The following RNF43 variants were observed in gnomAD, a reference collection of about 807,000 sequenced individuals.
The protein encoded by RNF43 is ring finger protein 43.
In RNF43, 37 loss-of-function variants were observed where a neutral mutation model predicts 78.4. The observed-to-expected ratio is 0.47, with a 90% CI of 0.36 to 0.62. RNF43 has a LOEUF of 0.62. RNF43 is among the 20% of genes least tolerant of loss of function. The pLI is 0.00. For missense variants in RNF43, 774 were observed against 1,007.9 expected, an observed-to-expected ratio of 0.77 and a Z score of 3.14; for synonymous variants, 347 against 395.0, an observed-to-expected ratio of 0.88 and a Z score of 1.44.
chr17:58,410,120 C>A (rs1018988945), intron 2 of RNF43, among the ~76,000 whole-genome samples: 3 of 149,566 alleles, frequency 2.0e-5, no homozygotes, highest in Non-Finnish European at 4.4e-5. Flanking sequence ...CAGATATGTA[C>A]GAAGCTGAAC....
In RNF43 at chr17:58,357,482, A is replaced by G. The variant is rs748813654; in HGVS notation, c.2294T>C (p.Leu765Pro). ...RPCPYPHCQV[L>P]SAQPGSEEEL... is the part of the protein sequence containing the mutation. Reference sequence around the variant, plus strand: ...TGAAAACTCACCAGGCTGGGCCGACAGCACCTGGCAGTGCGGATAAGGGCA... The same window carrying G: ...TGAAAACTCACCAGGCTGGGCCGACGGCACCTGGCAGTGCGGATAAGGGCA... Residue 765 changes from leucine (L) to proline (P), a missense_variant, in exon 9 of 10, where the codon CTG becomes CCG. Leu to Pro is a moderately conservative substitution (Grantham distance 98, BLOSUM62 -3). Coordinates refer to ENST00000407977, the MANE Select transcript of RNF43 (RefSeq NM_017763.6). The surrounding 1 kb of genome is among the most constrained non-coding windows in gnomAD (Gnocchi z 4.5). 30 of 1,614,106 alleles carry G rather than the reference A, an allele frequency of 1.9e-5. No homozygotes were observed. The highest frequency in any genetic ancestry group is 2.5e-5 in the Non-Finnish European group (29 of 1,180,044).
chr17:58,360,666 C>T lies in RNF43; in HGVS notation c.849+117G>A. 1.8e-6 allele frequency: 2 copies of T among 1,119,354 alleles called. No individual in the cohort carries two copies. The highest frequency in any genetic ancestry group is 1.6e-5 in the South Asian group (1 of 61,810). The allele number at this position is 1,119,354 out of a possible 1,614,324, so 69.3% of individuals were successfully genotyped here. Reference sequence around the variant, plus strand: ...TCCCTGATCTCTGCCTCATGCAGGACACATGGGAAACAGATGTAGCCAGGG... The same window carrying T: ...TCCCTGATCTCTGCCTCATGCAGGATACATGGGAAACAGATGTAGCCAGGG... On this transcript the variant is annotated intron_variant, in intron 7 of 9. Coordinates refer to ENST00000407977, the MANE Select transcript of RNF43 (RefSeq NM_017763.6). The surrounding 1 kb of genome is among the most constrained non-coding windows in gnomAD (Gnocchi z 4.3).
chr17:58,368,334 G>C (rs1418045369), intron 3 of RNF43, among the ~76,000 whole-genome samples: 1 of 152,192 alleles, frequency 6.6e-6, no homozygotes, highest in Non-Finnish European at 1.5e-5. Flanking sequence ...GAACTCTGGA[G>C]GTCAGGAGTT....
chr17:58,359,756 G>A (rs915143636), intron 8 of RNF43, among the ~76,000 whole-genome samples: 3 of 151,114 alleles, frequency 2.0e-5, no homozygotes, highest in Non-Finnish European at 4.4e-5. Flanking sequence ...GAGAAACCCC[G>A]TCTCTACTAA....
intron 3 of RNF43, among the ~76,000 whole-genome samples, chr17:58,364,910 C>T (rs1311104433): frequency 6.6e-6 from 1 of 152,232 alleles, no homozygotes; most frequent in Non-Finnish European, 1.5e-5. Context: ...CTGTTCTCCA[C>T]TCCCCAGACA....
At position 58,415,555 on chromosome 17, in the gene RNF43, T is replaced by C. The variant is rs1457983591; in HGVS notation, c.23A>G (p.Gln8Arg). 1 of 1,608,944 alleles carries C rather than the reference T, an allele frequency of 6.2e-7. No individual in the cohort carries two copies. The highest frequency in any genetic ancestry group is 1.1e-5 in the South Asian group (1 of 91,084). Residue 8 changes from glutamine (Q) to arginine (R), a missense_variant, in exon 2 of 10, where the codon CAG becomes CGG. Gln to Arg is a conservative substitution (Grantham distance 43). Coordinates refer to ENST00000407977, the MANE Select transcript of RNF43 (RefSeq NM_017763.6). MSGGHQL[Q>R]LAALWPWLLM... ...CAGCCAGGGCCAGAGGGCAGCCAGC[T>C]GCAGCTGGTGGCCACCACTCATGCT...
At chr17:58,373,255 T>C (rs924672086) in intron 2 of RNF43, among the ~76,000 whole-genome samples, 3 of 152,078 alleles carry the variant, frequency 2.0e-5, no homozygotes, top group Non-Finnish European at 2.9e-5. Context: ...GTTCCTACAG[T>C]GTGTCTGCAG....
At chr17:58,381,701 C>T (rs1043719369) in intron 2 of RNF43, among the ~76,000 whole-genome samples, 5 of 152,124 alleles carry the variant, frequency 3.3e-5, no homozygotes, top group African/African-American at 9.7e-5. Flanking sequence ...GCATCTCTTG[C>T]GCTCCTAGGA....
At position 58,358,767 on chromosome 17, in the gene RNF43, G is replaced by A. The variant is rs1170091784; in HGVS notation, c.1009C>T (p.Arg337Ter). Residue 337 changes from arginine (R) to a stop codon, truncating the protein, a stop_gained, in exon 9 of 10, where the codon CGA becomes TGA. Coordinates refer to ENST00000407977, the MANE Select transcript of RNF43 (RefSeq NM_017763.6). LOFTEE classifies it high-confidence loss of function. The surrounding 1 kb of genome is among the most constrained non-coding windows in gnomAD (Gnocchi z 6.2). The stretch of plus-strand genomic sequence containing the variant: ...TGCTGGCGAATGAGGTGGAGTCTTC[G>A]ACCTGGTTCTTGGTAAGATCGAGAG... ...GPSRSYQEPGRRLHLIRQHPG... is the reference protein window; with the variant it reads ...GPSRSYQEPG 1.3e-6 allele frequency: 2 copies of A among 1,559,538 alleles called. No homozygotes were observed. The highest frequency in any genetic ancestry group is 1.7e-6 in the Non-Finnish European group (2 of 1,150,294).
At chr17:58,353,005 C>T (rs546161238), downstream of RNF43, 167 of 217,702 alleles carry the variant, frequency 7.7e-4, no homozygotes, top group Non-Finnish European at 1.2e-3. Flanking sequence ...CGACAAAGGC[C>T]CCTTCTGGCC....
At chr17:58,415,295 G>A (rs1974099243) in intron 2 of RNF43, 31 bp downstream of exon 2, 1 of 1,610,208 alleles carries the variant, frequency 6.2e-7, no homozygotes, top group African/African-American at 1.3e-5. Flanking sequence ...TCAAACAGAT[G>A]GAAAGTGAAA....
At chr17:58,361,013 G>T in intron 6 of RNF43, 69 bp from the exon 7 acceptor site, 1 of 1,444,986 alleles carries the variant, frequency 6.9e-7, no homozygotes, top group Non-Finnish European at 9.2e-7. Flanking sequence ...ACCCAAGCTT[G>T]GACTCCGTTC....
intron 2 of RNF43, among the ~76,000 whole-genome samples, chr17:58,377,580 C>A (rs1038773603): frequency 1.3e-5 from 2 of 152,252 alleles, no homozygotes; most frequent in Non-Finnish European, 2.9e-5. Flanking sequence ...ATGCTGGTCT[C>A]CCCTTATCCA....
At chr17:58,383,341 GT>G (rs1373870718) in intron 2 of RNF43, among the ~76,000 whole-genome samples, 4 of 152,030 alleles carry the variant, frequency 2.6e-5, no homozygotes, top group African/African-American at 7.2e-5. Flanking sequence ...CCAGGCTAGA[GT>G]GTGGTGGTGT....
intron 2 of RNF43, among the ~76,000 whole-genome samples, chr17:58,376,684 C>T (rs542641935): frequency 2.2e-4 from 33 of 152,284 alleles, no homozygotes; most frequent in Middle Eastern, 3.4e-3. Context: ...AATGCAAGGT[C>T]TCCTAATCAT....
rs1296202180 is a variant in RNF43, at chr17:58,360,440, G to A, written c.850-189C>T. 1.3e-5 allele frequency among the ~76,000 whole-genome samples: 2 copies of A among 152,186 alleles called. No homozygotes were observed. The highest frequency in any genetic ancestry group is 2.4e-5 in the African/African-American group (1 of 41,434). ...TGGATTTTGCACTTAGCTGCATGAC[G>A]TTGGGCAACTTTCTTAACAGACAGT... On this transcript the variant is annotated intron_variant, in intron 7 of 9. Transcript: ENST00000407977. This position sits in a 1 kb window ranked among gnomAD's most constrained non-coding sequence, Gnocchi z 4.3.
chr17:58,408,183 A>G (rs527995044), intron 2 of RNF43, among the ~76,000 whole-genome samples: 1 of 152,340 alleles, frequency 6.6e-6, no homozygotes, highest in Admixed American at 6.5e-5. Flanking sequence ...ATTTCTTGAA[A>G]TAATTGGGAT....
chr17:58,405,544 T>C (rs1973887193), intron 2 of RNF43, among the ~76,000 whole-genome samples: 1 of 151,906 alleles, frequency 6.6e-6, no homozygotes, highest in Admixed American at 6.6e-5. Context: ...CCAGGAATGG[T>C]AGCTCATGCC....
chr17:58,357,202 G>T lies in RNF43; in HGVS notation c.2308+266C>A, dbSNP rs775533928. The T allele has an allele frequency of 1.4e-6, 1 of 704,266 alleles. No individual in the cohort carries two copies. The highest frequency in any genetic ancestry group is 2.0e-5 in the Admixed American group (1 of 49,994). 43.6% of individuals were successfully genotyped at this position (704,266 alleles called of 1,614,324 possible). On this transcript the variant is annotated intron_variant, in intron 9 of 9. Coordinates refer to ENST00000407977, the MANE Select transcript of RNF43 (RefSeq NM_017763.6). This position sits in a 1 kb window ranked among gnomAD's most constrained non-coding sequence, Gnocchi z 4.5. ...AGCCATCACACCCGGCCTTCCAAGTGCCTTTCTGATGCCTCAGCCACACCA... is the reference window on the plus strand; with the variant it reads ...AGCCATCACACCCGGCCTTCCAAGTTCCTTTCTGATGCCTCAGCCACACCA...
Sources: gnomAD v4.1 joint callset for allele counts (sites outside exome capture counted in the v4.1 genomes callset) on GRCh38, gnomAD v4.1.1 for gene constraint, Gnocchi (gnomAD v3.1) non-coding constraint, MANE v1.5 for transcripts, NCBI Gene and HGNC (gene_info 2026-07-23, HGNC 2026-07-21) for gene names.